The following GLT1D1 variants were observed in gnomAD, a reference collection of about 807,000 sequenced individuals.
GLT1D1 encodes glycosyltransferase 1 domain-containing protein 1.
A neutral mutation model predicts 28.7 loss-of-function variants in GLT1D1; 21 were observed. The observed-to-expected ratio is 0.73, with a 90% CI of 0.52 to 1.05. GLT1D1 has a LOEUF of 1.05. GLT1D1 is among the 50% of genes least tolerant of loss of function. The pLI, the probability that GLT1D1 is intolerant of heterozygous loss-of-function variation, is 0.00. For missense variants in GLT1D1, 343 were observed against 330.6 expected (o/e 1.04, Z -0.29); for synonymous variants, 147 against 124.8 (o/e 1.18, Z -1.19).
intron 4 of GLT1D1, among the ~76,000 whole-genome samples, chr12:128,899,546 G>GTTGTT (rs1566114522): frequency 8.0e-6 from 1 of 124,622 alleles, no homozygotes. Flanking sequence ...TTTTGTTGCT[G>GTTGTT]TTTTTTTTTT....
chr12:128,891,995 C>A (rs755147648), intron 3 of GLT1D1, among the ~76,000 whole-genome samples: 4 of 152,198 alleles, frequency 2.6e-5, no homozygotes, highest in South Asian at 2.1e-4. Flanking sequence ...CTGGTTCGGT[C>A]TGGAAAGGCG....
chr12:128,889,627 A>G (rs902266797), intron 3 of GLT1D1, among the ~76,000 whole-genome samples: 22 of 152,308 alleles, frequency 1.4e-4, no homozygotes, highest in African/African-American at 5.3e-4. Flanking sequence ...TTCCATGTCA[A>G]TACGGTGAAA....
In GLT1D1 at chr12:128,955,140, C is replaced by G. The variant is rs1877141380; in HGVS notation, c.541-2405C>G. 6.6e-5 allele frequency among the ~76,000 whole-genome samples: 10 copies of G among 152,170 alleles called. No individual in the cohort carries two copies. In the South Asian group the frequency reaches 2.1e-3, roughly 32 times the overall value. On this transcript the variant is annotated intron_variant, in intron 6 of 7. Coordinates refer to ENST00000281703, the MANE Select transcript of GLT1D1 (RefSeq NM_144669.3). ...AGTGGAACCAGGATTCACACCCAGG[C>G]AGGTCAGTTTCAGAGCTTCCCTTAC... is the stretch of plus-strand genomic sequence containing the variant.
intron 1 of GLT1D1, among the ~76,000 whole-genome samples, chr12:128,875,574 A>T (rs1956849970): frequency 6.6e-6 from 1 of 152,182 alleles, no homozygotes; most frequent in Admixed American, 6.6e-5. Context: ...AAGCAGGTGG[A>T]TTACCTGAGG....
At chr12:128,936,841 T>G (rs1309483345) in intron 4 of GLT1D1, among the ~76,000 whole-genome samples, 1 of 152,210 alleles carries the variant, frequency 6.6e-6, no homozygotes. Context: ...CCTTTAAAAT[T>G]TCATGACATG....
In GLT1D1 at chr12:128,874,082, TTCTTTCTTTCTTTCTTTCTCTCTCTC is replaced by T. The variant is rs1482593930; in HGVS notation, c.69-1828_69-1803del. Among the ~76,000 whole-genome samples the T allele has an allele frequency of 2.0e-3, 30 of 14,792 alleles. 1 individual carries two copies. The highest frequency in any genetic ancestry group is 5.3e-3 in the African/African-American group (27 of 5,110). 9.7% of individuals were successfully genotyped at this position (14,792 alleles called of 152,430 possible). On this transcript the variant is annotated intron_variant, in intron 1 of 7. Coordinates refer to ENST00000281703, the MANE Select transcript of GLT1D1 (RefSeq NM_144669.3). ...CTCCTTTCTTTCTTTCTTTCTTTCT[TTCTTTCTTTCTTTCTTTCTCTCTCTC>T]TCTCTCTCTCTCTCTCTCTTTCTTT...
chr12:128,915,725 T>C (rs1419368140), intron 4 of GLT1D1, among the ~76,000 whole-genome samples: 1 of 152,212 alleles, frequency 6.6e-6, no homozygotes, highest in Non-Finnish European at 1.5e-5. Flanking sequence ...CTGCTATTAA[T>C]GTTTGATGTG....
At chr12:128,948,157 A>G (rs1032164727) in intron 6 of GLT1D1, among the ~76,000 whole-genome samples, 3 of 152,040 alleles carry the variant, frequency 2.0e-5, no homozygotes, top group Non-Finnish European at 4.4e-5. Flanking sequence ...GATCCTGGCA[A>G]TCCTCGCATT....
rs117594524 is a variant in GLT1D1 at position 128,926,444 on chromosome 12, C to A, written c.376-18882C>A. 568 of 1,515,950 alleles carry A rather than the reference C, an allele frequency of 3.7e-4. 9 individuals are homozygous for A. The East Asian group carries it at 0.014, about 37-fold the overall frequency. 93.9% of individuals were successfully genotyped at this position (1,515,950 alleles called of 1,614,324 possible). A position where few individuals can be genotyped will look rare whatever the true frequency, so the allele number is the denominator to read the frequency against. ...TTAAGGATCCTCTCTATCTGGTGGA[C>A]GCATTTTCAGGTGTGTTTGCTGGCT... On this transcript the variant is annotated intron_variant, in intron 4 of 7. Transcript: ENST00000281703.
chr12:128,853,777 G>C, intron 1 of GLT1D1, 128 bp downstream of exon 1: 1 of 603,376 alleles, frequency 1.7e-6, no homozygotes, highest in Non-Finnish European at 2.1e-6. Flanking sequence ...CGAGCCGCGC[G>C]CACAAACGGA....
intron 4 of GLT1D1, chr12:128,944,398 G>A: frequency 2.6e-6 from 3 of 1,175,996 alleles, no homozygotes; most frequent in Non-Finnish European, 3.8e-6. Flanking sequence ...TCTGGTAATA[G>A]TCCAGGACTG....
chr12:128,901,079 C>A (rs1566115928), intron 4 of GLT1D1, among the ~76,000 whole-genome samples: 1 of 152,162 alleles, frequency 6.6e-6, no homozygotes, highest in Non-Finnish European at 1.5e-5. Flanking sequence ...TAATGCAAAG[C>A]CTTTTCTTTT....
chr12:128,966,881 C>G (rs534194884), intron 7 of GLT1D1, among the ~76,000 whole-genome samples: 1 of 152,248 alleles, frequency 6.6e-6, no homozygotes, highest in African/African-American at 2.4e-5. Flanking sequence ...CCCTGGAAAA[C>G]TTCAATTTAA....
chr12:128,945,290 C>T lies in GLT1D1; in HGVS notation c.376-36C>T, dbSNP rs201387163. On this transcript the variant is annotated intron_variant, in intron 4 of 7. Transcript: ENST00000281703. ...GCCGGCTGGCAGCGCCACTAGCAGG[C>T]GGCGACCGCTGACATTTATCTTTGT... 307 of 1,606,810 alleles carry T rather than the reference C, an allele frequency of 1.9e-4. 4 individuals carry two copies. The East Asian group carries it at 3.0e-3, about 16-fold the overall frequency.
intron 4 of GLT1D1, among the ~76,000 whole-genome samples, chr12:128,941,569 C>CTTTTTTT (rs550204231): frequency 3.4e-4 from 37 of 107,568 alleles, no homozygotes; most frequent in African/African-American, 6.4e-4. Flanking sequence ...CTCTCTTTCT[C>CTTTTTTT]TTTTTTTTTT....
intron 4 of GLT1D1, among the ~76,000 whole-genome samples, chr12:128,942,031 A>G (rs1332513875): frequency 1.4e-5 from 2 of 143,838 alleles, no homozygotes; most frequent in African/African-American, 5.2e-5. Context: ...CTGCCATTTG[A>G]TGTAATTCCT....
chr12:128,936,993 T>C (rs2135471304), intron 4 of GLT1D1, among the ~76,000 whole-genome samples: 1 of 152,376 alleles, frequency 6.6e-6, no homozygotes, highest in Non-Finnish European at 1.5e-5. Context: ...TAGTTTCAAC[T>C]TGAAAGTTGC....
intron 6 of GLT1D1, among the ~76,000 whole-genome samples, chr12:128,953,891 A>C (rs1876985612): frequency 6.6e-6 from 1 of 151,460 alleles, no homozygotes; most frequent in African/African-American, 2.4e-5. Context: ...TATTGCAGGC[A>C]CAAGCCACCA....
At chr12:128,964,549 G>A (rs1269517272) in intron 7 of GLT1D1, among the ~76,000 whole-genome samples, 1 of 152,204 alleles carries the variant, frequency 6.6e-6, no homozygotes, top group Non-Finnish European at 1.5e-5. Flanking sequence ...CCCTGTGATG[G>A]ACATGGTTCC....
Sources: gnomAD v4.1 joint callset for allele counts (sites outside exome capture counted in the v4.1 genomes callset) on GRCh38, gnomAD v4.1.1 for gene constraint, MANE v1.5 for transcripts, NCBI Gene and HGNC (gene_info 2026-07-23, HGNC 2026-07-21) for gene names.